The following DLG1 variants were observed in gnomAD, a reference collection of about 807,000 sequenced individuals.
DLG1 encodes discs large MAGUK scaffold protein 1.
DLG1 carries 42 observed loss-of-function variants against 123.4 expected under a neutral mutation model. The ratio of observed to expected loss-of-function variants is 0.34; its 90% CI spans 0.27 to 0.44. The LOEUF (loss-of-function observed/expected upper bound fraction) is 0.44, where lower values mean the gene tolerates loss of function less well. Ranked by LOEUF, DLG1 falls within the 20% of genes least tolerant of loss-of-function variation. DLG1 has a pLI of 1.00. For synonymous variants in DLG1, 317 were observed against 356.2 expected (o/e 0.89, Z 1.24); for missense variants, 942 against 1,082.6 (o/e 0.87, Z 1.82).
intron 4 of DLG1, among the ~76,000 whole-genome samples, chr3:197,247,766 C>T (rs895957159): frequency 2.0e-5 from 3 of 152,046 alleles, no homozygotes; most frequent in African/African-American, 7.3e-5. Flanking sequence ...TGTTATTAGC[C>T]TTATACTTTC....
At chr3:197,152,583 T>C (rs955676407) in intron 5 of DLG1, among the ~76,000 whole-genome samples, 1 of 151,480 alleles carries the variant, frequency 6.6e-6, no homozygotes, top group Non-Finnish European at 1.5e-5. Context: ...GAGACCATCC[T>C]GGCCCCGTCT....
chr3:197,176,832 G>A (rs540953613), intron 5 of DLG1, among the ~76,000 whole-genome samples: 4 of 152,206 alleles, frequency 2.6e-5, no homozygotes, highest in East Asian at 1.9e-4. Flanking sequence ...GAGTACAACT[G>A]CTGGATCGTA....
intron 23 of DLG1, among the ~76,000 whole-genome samples, chr3:197,054,404 A>G (rs1159546827): frequency 2.0e-5 from 3 of 151,488 alleles, no homozygotes; most frequent in African/African-American, 7.2e-5. Flanking sequence ...TAGGTCCCTT[A>G]GGCTCTGTTC....
chr3:197,080,138 C>T (rs1434648412), intron 17 of DLG1, among the ~76,000 whole-genome samples: 1 of 151,540 alleles, frequency 6.6e-6, no homozygotes, highest in African/African-American at 2.4e-5. Context: ...TCCACCAATA[C>T]GGGATGAAGC....
At chr3:197,282,314 A>C (rs1051489461) in intron 4 of DLG1, among the ~76,000 whole-genome samples, 3 of 152,214 alleles carry the variant, frequency 2.0e-5, no homozygotes, top group African/African-American at 7.2e-5. Flanking sequence ...CCCAGACCAC[A>C]AAACTATATC....
At chr3:197,067,823 C>T (rs576723034) in intron 19 of DLG1, among the ~76,000 whole-genome samples, 3 of 152,290 alleles carry the variant, frequency 2.0e-5, no homozygotes, top group East Asian at 3.9e-4. Context: ...TCCCAAAGTG[C>T]TGGGATTACA....
chr3:197,163,293 T>C (rs1448499784), intron 5 of DLG1, among the ~76,000 whole-genome samples: 1 of 152,174 alleles, frequency 6.6e-6, no homozygotes, highest in Admixed American at 6.5e-5. Context: ...GAGGAAACTT[T>C]TAGTGGTTTC....
chr3:197,159,555 T>C (rs576833217), intron 5 of DLG1, among the ~76,000 whole-genome samples: 3 of 152,336 alleles, frequency 2.0e-5, no homozygotes, highest in South Asian at 2.1e-4. Context: ...AAATGTAAAG[T>C]AGTGGATCTT....
intron 4 of DLG1, among the ~76,000 whole-genome samples, chr3:197,271,235 G>A (rs943170453): frequency 6.6e-6 from 1 of 152,028 alleles, no homozygotes; most frequent in Non-Finnish European, 1.5e-5. Context: ...CACCTACACT[G>A]ACAAATCCAC....
chr3:197,217,183 A>C (rs1004073237), intron 4 of DLG1, among the ~76,000 whole-genome samples: 2 of 152,200 alleles, frequency 1.3e-5, no homozygotes, highest in African/African-American at 4.8e-5. Flanking sequence ...CTCGTTTTTT[A>C]TAGTGATACA....
Position 197,043,468 on chromosome 3 carries a change from TTTCAGTTCACATGATTAAGG to T in DLG1, c.*1135_*1154del. ...CTCCTCATGACCACCATGCCCCCAT[TTTCAGTTCACATGATTAAGG>T]AAGATAAGTCTATTCAATTAATATT... On this transcript the variant is annotated 3_prime_UTR_variant, in exon 25 of 25. Transcript: ENST00000667157. The T allele has an allele frequency of 8.5e-6, 1 of 117,448 alleles. No individual in the cohort carries two copies. Among genetic ancestry groups the T allele is most frequent in the Admixed American group, 9.0e-5 (1 of 11,056 alleles). The allele number at this position is 117,448 out of a possible 1,614,324, so 7.3% of individuals were successfully genotyped here.
chr3:197,130,496 A>C, intron 11 of DLG1, 31 bp downstream of exon 11: 1 of 1,529,872 alleles, frequency 6.5e-7, no homozygotes, highest in Non-Finnish European at 8.8e-7. Context: ...AAGTAAGATA[A>C]ATTTAAGCAA....
chr3:197,059,495 C>T (rs778996897), intron 23 of DLG1, among the ~76,000 whole-genome samples: 1 of 152,188 alleles, frequency 6.6e-6, no homozygotes, highest in Non-Finnish European at 1.5e-5. Context: ...TTCTGCCTCA[C>T]ATTCTGTGTT....
At chr3:197,267,354 TTC>T (rs1008030822) in intron 4 of DLG1, among the ~76,000 whole-genome samples, 1 of 152,186 alleles carries the variant, frequency 6.6e-6, no homozygotes, top group African/African-American at 2.4e-5. Context: ...TTGGATCCTT[TTC>T]TCTTTTGGAA....
Position 197,044,722 on chromosome 3 carries a change from T to A in DLG1, c.2583A>T (p.Val861=). 6.4e-7 allele frequency: 1 copy of A among 1,565,404 alleles called. No homozygotes were observed. Among genetic ancestry groups the A allele is most frequent in the Non-Finnish European group, 8.7e-7 (1 of 1,150,988 alleles). Residue 861 remains valine, a synonymous_variant, in exon 25 of 25, where the codon GTA becomes GTT. Transcript: ENST00000667157. ...AAATGTCTTCCAGCGTATCCCCCTG[T>A]ACAATAGCTGTAATGATAGAAACAA... is the stretch of plus-strand genomic sequence containing the variant. The part of the protein sequence containing the change: ...QEFTEHFTAI[V]QGDTLEDIYN...
intron 4 of DLG1, among the ~76,000 whole-genome samples, chr3:197,217,742 AC>A (rs1353531337): frequency 6.6e-6 from 1 of 152,224 alleles, no homozygotes; most frequent in East Asian, 1.9e-4. Flanking sequence ...ATCTATAATG[AC>A]AAAAATCAAA....
chr3:197,263,605 G>A (rs1265986955), intron 4 of DLG1, among the ~76,000 whole-genome samples: 1 of 152,002 alleles, frequency 6.6e-6, no homozygotes, highest in Non-Finnish European at 1.5e-5. Context: ...TGGCCAACAT[G>A]GTGAAATCCC....
chr3:197,197,595 T>C (rs923690349), intron 4 of DLG1, among the ~76,000 whole-genome samples: 2 of 152,212 alleles, frequency 1.3e-5, no homozygotes, highest in African/African-American at 4.8e-5. Context: ...TTCAATGCAA[T>C]CTCTATCAAA....
chr3:197,104,197 A>T (rs543921181), intron 14 of DLG1, among the ~76,000 whole-genome samples: 82 of 152,190 alleles, frequency 5.4e-4, no homozygotes, highest in African/African-American at 1.8e-3. Context: ...GGGTGACCTA[A>T]TTTTTTTGGG....
Sources: gnomAD v4.1 joint callset for allele counts (sites outside exome capture counted in the v4.1 genomes callset) on GRCh38, gnomAD v4.1.1 for gene constraint, MANE v1.5 for transcripts, NCBI Gene and HGNC (gene_info 2026-07-23, HGNC 2026-07-21) for gene names.